NSMCE3: variants seen among roughly 807,000 people sequenced by gnomAD.
The protein encoded by NSMCE3 is non-structural maintenance of chromosomes element 3 homolog.
For synonymous variants in NSMCE3, 214 were observed against 172.2 expected (o/e 1.24, Z -1.90); for missense variants, 452 against 399.5 (o/e 1.13, Z -1.12).
Position 29,265,576 on chromosome 15 carries a change from T to C in NSMCE3, c.*3215A>G, listed in dbSNP as rs1326717665. ...ATCGCTTGAATCCAGGAGGCAGAGATTGCACTGAGCCAAGATTGTGCCAAT... is the reference window on the plus strand; with the variant it reads ...ATCGCTTGAATCCAGGAGGCAGAGACTGCACTGAGCCAAGATTGTGCCAAT... On this transcript the variant is annotated 3_prime_UTR_variant, in exon 1 of 1. Transcript: ENST00000332303. 2 of 152,282 alleles carry C rather than the reference T, an allele frequency of 1.3e-5. No homozygotes were observed. The highest frequency in any genetic ancestry group is 1.9e-4 in the East Asian group (1 of 5,186). The allele number at this position is 152,282 out of a possible 1,614,324, so 9.4% of individuals were successfully genotyped here.
Position 29,265,481 on chromosome 15 carries a change from G to T in NSMCE3, c.*3310C>A, listed in dbSNP as rs1345523364. The T allele has an allele frequency of 6.6e-6, 1 of 152,058 alleles. No individual in the cohort carries two copies. Among genetic ancestry groups the T allele is most frequent in the Non-Finnish European group, 1.5e-5 (1 of 68,012 alleles). The allele number at this position is 152,058 out of a possible 1,614,324, so 9.4% of individuals were successfully genotyped here. On this transcript the variant is annotated 3_prime_UTR_variant, in exon 1 of 1. Coordinates refer to ENST00000332303, the MANE Select transcript of NSMCE3 (RefSeq NM_138704.4). ...TGGCAAAACCCCGTCTCTACTAAAA[G>T]TACAAAAATTAGCCGGACGTGGTGG...
At position 29,269,405 on chromosome 15, in the gene NSMCE3, G is replaced by C; in HGVS notation, c.301C>G (p.Gln101Glu). The C allele has an allele frequency of 1.1e-5, 17 of 1,614,126 alleles. No individual in the cohort carries two copies. Among genetic ancestry groups the C allele is most frequent in the Non-Finnish European group, 1.4e-5 (17 of 1,180,032 alleles). The change falls in exon 1 of 1, where the codon CAG (glutamine) becomes GAG (glutamate). Residue 101 changes from glutamine (Q) to glutamate (E), a missense_variant. Physicochemically the swap from Gln to Glu is conservative, Grantham distance 29. Transcript: ENST00000332303. ...ELVQFLLIKD[Q>E]KKIPIKRADI... Reference sequence around the variant, plus strand: ...GCCCGCTTGATCGGAATCTTCTTCTGGTCTTTAATCAGCAAGAACTGCACC... The same window carrying C: ...GCCCGCTTGATCGGAATCTTCTTCTCGTCTTTAATCAGCAAGAACTGCACC...
chr15:29,268,840 T>G lies in NSMCE3; in HGVS notation c.866A>C (p.Glu289Ala), dbSNP rs762819329. 1 of 1,614,108 alleles carries G rather than the reference T, an allele frequency of 6.2e-7. No homozygotes were observed. The highest frequency in any genetic ancestry group is 1.1e-5 in the South Asian group (1 of 91,078). Residue 289 changes from glutamate to alanine, a missense_variant, in exon 1 of 1, where the codon GAG becomes GCG. Coordinates refer to ENST00000332303, the MANE Select transcript of NSMCE3 (RefSeq NM_138704.4). ...AGGCTGAGGTCTGGCCCTGTTCTCCTCATCTGCCAAAGCCTCACAGTACTG... is the reference window on the plus strand; with the variant it reads ...AGGCTGAGGTCTGGCCCTGTTCTCCGCATCTGCCAAAGCCTCACAGTACTG... ...PAQYCEALAD[E>A]ENRARPQPSG...
Position 29,268,478 on chromosome 15 carries a change from C to G in NSMCE3, c.*313G>C, listed in dbSNP as rs2043529720. 2 of 322,778 alleles carry G rather than the reference C, an allele frequency of 6.2e-6. No homozygotes were observed. The allele number at this position is 322,778 out of a possible 1,614,324, so 20.0% of individuals were successfully genotyped here. The stretch of plus-strand genomic sequence containing the variant: ...ATTTTCTTGGCACCAAAGCAACTTA[C>G]TTATGTGTTCCTTCTTGCATTATCT... On this transcript the variant is annotated 3_prime_UTR_variant, in exon 1 of 1. Transcript: ENST00000332303.
rs1224666214 is a variant in NSMCE3 at position 29,268,212 on chromosome 15, G to C, written c.*579C>G. 1 of 152,170 alleles carries C rather than the reference G, an allele frequency of 6.6e-6. No homozygotes were observed. The highest frequency in any genetic ancestry group is 1.5e-5 in the Non-Finnish European group (1 of 68,050). 9.4% of individuals were successfully genotyped at this position (152,170 alleles called of 1,614,324 possible). A position where few individuals can be genotyped will look rare whatever the true frequency, so the allele number is the denominator to read the frequency against. ...ACAGTAGCAAGAAGAAAAAAACGAA[G>C]TGGAACTACGTGTTTAGCAGCAGAG... On this transcript the variant is annotated 3_prime_UTR_variant, in exon 1 of 1. Transcript: ENST00000332303.
chr15:29,265,684 C>T lies in NSMCE3; in HGVS notation c.*3107G>A, dbSNP rs1417351729. On this transcript the variant is annotated 3_prime_UTR_variant, in exon 1 of 1. Coordinates refer to ENST00000332303, the MANE Select transcript of NSMCE3 (RefSeq NM_138704.4). ...CAGTATGGTATTTGCAAATGGATAG[C>T]AAATAAACCAATTCAGTCCTAGCCA... 6.6e-6 allele frequency: 1 copy of T among 152,104 alleles called. No homozygotes were observed. The highest frequency in any genetic ancestry group is 1.5e-5 in the Non-Finnish European group (1 of 68,018). The allele number at this position is 152,104 out of a possible 1,614,324, so 9.4% of individuals were successfully genotyped here. A position where few individuals can be genotyped will look rare whatever the true frequency, so the allele number is the denominator to read the frequency against.
chr15:29,268,731 C>T lies in NSMCE3; in HGVS notation c.*60G>A. 1.3e-6 allele frequency: 2 copies of T among 1,526,588 alleles called. No homozygotes were observed. The highest frequency in any genetic ancestry group is 1.8e-6 in the Non-Finnish European group (2 of 1,134,722). The allele number at this position is 1,526,588 out of a possible 1,614,324, so 94.6% of individuals were successfully genotyped here. ...GGGTTCGTTCTCCCTTCCCCCAATC[C>T]TCTAAACTGTGCCTTTGGGTCTCAG... On this transcript the variant is annotated 3_prime_UTR_variant, in exon 1 of 1. Coordinates refer to ENST00000332303, the MANE Select transcript of NSMCE3 (RefSeq NM_138704.4).
At position 29,269,218 on chromosome 15, in the gene NSMCE3, T is replaced by G; in HGVS notation, c.488A>C (p.Glu163Ala). ...TTGGTCACCCCTCATCTCGGCATCC[T>G]CCTCCACAGGCTCCAGGGTGTTGAT... is the stretch of plus-strand genomic sequence containing the variant. ...ILINTLEPVEEDAEMRGDQGT... is the reference protein window; with the variant it reads ...ILINTLEPVEADAEMRGDQGT... Residue 163 changes from glutamate (E) to alanine (A), a missense_variant, in exon 1 of 1, where the codon GAG becomes GCG. By Grantham distance (107) the Glu-to-Ala change is moderately radical (BLOSUM62 -1). Coordinates refer to ENST00000332303, the MANE Select transcript of NSMCE3 (RefSeq NM_138704.4). 1 of 1,614,092 alleles carries G rather than the reference T, an allele frequency of 6.2e-7. No individual in the cohort carries two copies.
chr15:29,269,760 G>A lies in NSMCE3; in HGVS notation c.-55C>T, dbSNP rs1281106218. The A allele has an allele frequency of 2.1e-6, 3 of 1,406,038 alleles. No homozygotes were observed. Among genetic ancestry groups the A allele is most frequent in the Middle Eastern group, 2.1e-4 (1 of 4,662 alleles). The allele number at this position is 1,406,038 out of a possible 1,614,324, so 87.1% of individuals were successfully genotyped here. ...CCGGTAGGCAAGCAGCCGCGGCGGG[G>A]ATTGCGGGTCGGCGACCCGCTAACG... On this transcript the variant is annotated 5_prime_UTR_variant, in exon 1 of 1. Coordinates refer to ENST00000332303, the MANE Select transcript of NSMCE3 (RefSeq NM_138704.4).
At position 29,268,764 on chromosome 15, in the gene NSMCE3, T is replaced by TC. The variant is rs1567116471; in HGVS notation, c.*26dup. 1 of 1,574,058 alleles carries TC rather than the reference T, an allele frequency of 6.4e-7. No homozygotes were observed. Among genetic ancestry groups the TC allele is most frequent in the Non-Finnish European group, 8.6e-7 (1 of 1,160,898 alleles). ...TGTGCCTTTGGGTCTCAGACCCTTG[T>TC]CCCGGGGGTCCCTCTGAATCCACCT... is the stretch of plus-strand genomic sequence containing the variant. On this transcript the variant is annotated 3_prime_UTR_variant, in exon 1 of 1. Coordinates refer to ENST00000332303, the MANE Select transcript of NSMCE3 (RefSeq NM_138704.4).
At position 29,269,039 on chromosome 15, in the gene NSMCE3, T is replaced by G; in HGVS notation, c.667A>C (p.Ile223Leu). Residue 223 changes from isoleucine to leucine, a missense_variant, in exon 1 of 1, where the codon ATT becomes CTT. Coordinates refer to ENST00000332303, the MANE Select transcript of NSMCE3 (RefSeq NM_138704.4). Reference protein sequence around the residue: ...HLIFGDPKKLITEDFVRQRYL... With the variant: ...HLIFGDPKKLLTEDFVRQRYL... ...CGCTGTCGCACAAAGTCCTCAGTAATGAGTTTCTTTGGATCTCCGAAAATT... is the reference window on the plus strand; with the variant it reads ...CGCTGTCGCACAAAGTCCTCAGTAAGGAGTTTCTTTGGATCTCCGAAAATT... The G allele has an allele frequency of 3.1e-6, 5 of 1,614,110 alleles. No individual in the cohort carries two copies. Among genetic ancestry groups the G allele is most frequent in the Non-Finnish European group, 4.2e-6 (5 of 1,180,026 alleles).
At position 29,265,615 on chromosome 15, in the gene NSMCE3, G is replaced by A. The variant is rs932333559; in HGVS notation, c.*3176C>T. The A allele has an allele frequency of 2.6e-5, 4 of 152,214 alleles. No individual in the cohort carries two copies. The highest frequency in any genetic ancestry group is 4.8e-5 in the African/African-American group (2 of 41,422). The allele number at this position is 152,214 out of a possible 1,614,324, so 9.4% of individuals were successfully genotyped here. A position where few individuals can be genotyped will look rare whatever the true frequency, so the allele number is the denominator to read the frequency against. ...GATTGTGCCAATGCACTCCAGCCTG[G>A]GCGACAAGAGCAAGACTCCGTCTCA... is the stretch of plus-strand genomic sequence containing the variant. On this transcript the variant is annotated 3_prime_UTR_variant, in exon 1 of 1. Coordinates refer to ENST00000332303, the MANE Select transcript of NSMCE3 (RefSeq NM_138704.4).
At position 29,267,407 on chromosome 15, in the gene NSMCE3, C is replaced by G. The variant is rs1342456100; in HGVS notation, c.*1384G>C. 6.6e-6 allele frequency: 1 copy of G among 152,178 alleles called. No individual in the cohort carries two copies. Among genetic ancestry groups the G allele is most frequent in the Non-Finnish European group, 1.5e-5 (1 of 68,032 alleles). 9.4% of individuals were successfully genotyped at this position (152,178 alleles called of 1,614,324 possible). ...CTTCTAGTTCATTTAGTGCATAAAA[C>G]TATTATATAGCTATTATTTTTCTCA... On this transcript the variant is annotated 3_prime_UTR_variant, in exon 1 of 1. Coordinates refer to ENST00000332303, the MANE Select transcript of NSMCE3 (RefSeq NM_138704.4).
Position 29,268,792 on chromosome 15 carries a change from CAA to C in NSMCE3, c.912_913del (p.Ter305LysfsTer13). ...CGGGGGTCCCTCTGAATCCACCTTT[CAA>C]GAGGATGGAGCTGGGCCACTAGGCT... On this transcript the variant is annotated frameshift_variant and stop_lost, in exon 1 of 1. Transcript: ENST00000332303. LOFTEE classifies it high-confidence loss of function. 1 of 1,600,616 alleles carries C rather than the reference CAA, an allele frequency of 6.2e-7. No homozygotes were observed. The highest frequency in any genetic ancestry group is 8.5e-7 in the Non-Finnish European group (1 of 1,172,140).
At position 29,269,185 on chromosome 15, in the gene NSMCE3, G is replaced by T. The variant is rs1362875564; in HGVS notation, c.521C>A (p.Pro174His). 3 of 1,613,994 alleles carry T rather than the reference G, an allele frequency of 1.9e-6. No homozygotes were observed. The highest frequency in any genetic ancestry group is 2.5e-6 in the Non-Finnish European group (3 of 1,180,030). ...GACGATCATCAGGAGGCCCGTAGTG[G>T]GCGTGCCTTGGTCACCCCTCATCTC... The part of the protein sequence containing the change: ...DAEMRGDQGT[P>H]TTGLLMIVLG... The change falls in exon 1 of 1, where the codon CCC becomes CAC. Residue 174 changes from proline (P) to histidine (H), a missense_variant. Transcript: ENST00000332303.
In NSMCE3 at chr15:29,269,025, A is replaced by G. The variant is rs375328693; in HGVS notation, c.681T>C (p.Phe227=). The part of the protein sequence containing the change: ...GDPKKLITED[F]VRQRYLEYRR... ...GGTATTCCAGGTAACGCTGTCGCAC[A>G]AAGTCCTCAGTAATGAGTTTCTTTG... Residue 227 remains phenylalanine (F), a synonymous_variant, in exon 1 of 1, where the codon TTT becomes TTC. Coordinates refer to ENST00000332303, the MANE Select transcript of NSMCE3 (RefSeq NM_138704.4). The G allele has an allele frequency of 2.6e-5, 42 of 1,614,120 alleles. No individual in the cohort carries two copies. The highest frequency in any genetic ancestry group is 1.9e-4 in the South Asian group (17 of 91,068).
In NSMCE3 at chr15:29,268,130, T is replaced by C. The variant is rs1370216484; in HGVS notation, c.*661A>G. Reference sequence around the variant, plus strand: ...CATGAAATTCTCTCATGACCCACGATTTAAAAAACACACAATGCTTAAGTG... The same window carrying C: ...CATGAAATTCTCTCATGACCCACGACTTAAAAAACACACAATGCTTAAGTG... On this transcript the variant is annotated 3_prime_UTR_variant, in exon 1 of 1. Transcript: ENST00000332303. 6.6e-6 allele frequency: 1 copy of C among 152,172 alleles called. No individual in the cohort carries two copies. The highest frequency in any genetic ancestry group is 1.5e-5 in the Non-Finnish European group (1 of 68,042). 9.4% of individuals were successfully genotyped at this position (152,172 alleles called of 1,614,324 possible).
chr15:29,267,134 TA>T lies in NSMCE3; in HGVS notation c.*1656del, dbSNP rs1460299071. ...CAAATCCCAATTCAACAGAATGAAA[TA>T]AAACCCAGTAACCTATCACATTCCT... On this transcript the variant is annotated 3_prime_UTR_variant, in exon 1 of 1. Transcript: ENST00000332303. The T allele has an allele frequency of 6.6e-6, 1 of 152,160 alleles. No homozygotes were observed. The highest frequency in any genetic ancestry group is 1.5e-5 in the Non-Finnish European group (1 of 68,024). The allele number at this position is 152,160 out of a possible 1,614,324, so 9.4% of individuals were successfully genotyped here.
chr15:29,269,148 G>T lies in NSMCE3; in HGVS notation c.558C>A (p.Ile186=). ...CCTTGATGGTGTTGCCCTTCATAAA[G>T]ATGAGCCCTAAGACGATCATCAGGA... The part of the protein sequence containing the change: ...TGLLMIVLGL[I]FMKGNTIKET... The change falls in exon 1 of 1, where the codon ATC becomes ATA. Residue 186 remains isoleucine, a synonymous_variant. Coordinates refer to ENST00000332303, the MANE Select transcript of NSMCE3 (RefSeq NM_138704.4). The T allele has an allele frequency of 6.2e-7, 1 of 1,614,156 alleles. No individual in the cohort carries two copies. The highest frequency in any genetic ancestry group is 8.5e-7 in the Non-Finnish European group (1 of 1,180,026).
Sources: gnomAD v4.1 joint callset for allele counts on GRCh38, gnomAD v4.1.1 for gene constraint, MANE v1.5 for transcripts, NCBI Gene and HGNC (gene_info 2026-07-23, HGNC 2026-07-21) for gene names.